The following GATM variants were observed in gnomAD, a reference collection of about 807,000 sequenced individuals.
The protein encoded by GATM is glycine amidinotransferase, mitochondrial.
GATM carries 23 observed loss-of-function variants against 54.2 expected under a neutral mutation model. That is an observed-to-expected ratio of 0.42 (90% confidence interval 0.31 to 0.60). GATM has a LOEUF of 0.60. GATM is among the 20% of genes least tolerant of loss of function. The pLI is 0.14. For synonymous variants in GATM, 168 were observed against 183.1 expected (o/e 0.92, Z 0.67); for missense variants, 401 against 544.9 (o/e 0.74, Z 2.63).
chr15:45,364,276 G>T, intron 7 of GATM: 1 of 452,708 alleles, frequency 2.2e-6, no homozygotes, highest in Non-Finnish European at 4.0e-6. Flanking sequence ...ACTTTGGGAG[G>T]CTGAGGCAGG....
chr15:45,387,041 T>C (rs1002829663), intron 3 of GATM, among the ~76,000 whole-genome samples: 2 of 152,200 alleles, frequency 1.3e-5, no homozygotes, highest in African/African-American at 4.8e-5. Context: ...TAAGACTATA[T>C]ATTGCAAAGG....
chr15:45,363,470 A>T (rs1255709125), intron 8 of GATM, among the ~76,000 whole-genome samples: 2 of 152,178 alleles, frequency 1.3e-5, no homozygotes, highest in African/African-American at 4.8e-5. Context: ...TTTGTTAACT[A>T]TGCTTATCAC....
intron 1 of GATM, chr15:45,377,316 A>AGGACCTTATCTTTC: frequency 2.2e-6 from 1 of 446,076 alleles, no homozygotes; most frequent in South Asian, 1.6e-5. Context: ...ACATTTGTAA[A>AGGACCTTATCTTTC]GGACCTTATC....
chr15:45,376,571 C>T (rs765664580), intron 2 of GATM, 30 bp downstream of exon 2: 3 of 1,602,830 alleles, frequency 1.9e-6, no homozygotes, highest in South Asian at 1.1e-5. Context: ...AGGGAGCGCA[C>T]TTTCAGACAT....
chr15:45,375,094 G>A (rs1038380699), intron 2 of GATM, among the ~76,000 whole-genome samples: 3 of 152,014 alleles, frequency 2.0e-5, no homozygotes, highest in Admixed American at 2.0e-4. Context: ...TTTTTGAGAT[G>A]GAGTCTCACT....
chr15:45,399,066 T>C (rs1292316220), intron 2 of GATM, among the ~76,000 whole-genome samples: 1 of 152,202 alleles, frequency 6.6e-6, no homozygotes, highest in African/African-American at 2.4e-5. Flanking sequence ...AAACCATTTG[T>C]CACATGTACC....
At chr15:45,398,842 C>G (rs1004276221) in intron 2 of GATM, among the ~76,000 whole-genome samples, 2 of 152,010 alleles carry the variant, frequency 1.3e-5, no homozygotes, top group Admixed American at 6.6e-5. Context: ...ACTGGTTTAA[C>G]CATTTTCTTT....
rs1056900658 is a variant in GATM at position 45,363,901 on chromosome 15, C to G, written c.1158G>C (p.Leu386=). Residue 386 remains leucine (L), a splice_region_variant and synonymous_variant, in exon 8 of 9, where the codon CTG becomes CTC. Coordinates refer to ENST00000396659, the MANE Select transcript of GATM (RefSeq NM_001482.3). ...ACATGTTTCATTTGTTGTACATACC[C>G]AGCTTTTCAAACATCTTTTGAATTG... ...EVPIQKMFEK[L]GITTIKVNIR... is the part of the protein sequence containing the mutation. 2 of 1,579,398 alleles carry G rather than the reference C, an allele frequency of 1.3e-6. No homozygotes were observed. Among genetic ancestry groups the G allele is most frequent in the Non-Finnish European group, 1.7e-6 (2 of 1,149,046 alleles).
At chr15:45,401,861 G>C (rs895334790) in intron 1 of GATM, 1 of 152,624 alleles carries the variant, frequency 6.6e-6, no homozygotes. Context: ...CCATAGGAAG[G>C]GTTGTGCCTG....
chr15:45,366,147 T>C lies in GATM; in HGVS notation c.877A>G (p.Ile293Val). ...RHLAPDYRVH[I>V]ISFKDPNPMH... ...GGATTGGGATCTTTAAAGGAGATGATATGCACTCTGTAGTCTGGAGCAAGA... is the reference window on the plus strand; with the variant it reads ...GGATTGGGATCTTTAAAGGAGATGACATGCACTCTGTAGTCTGGAGCAAGA... Residue 293 changes from isoleucine to valine, a missense_variant, in exon 6 of 9, where the codon ATC (isoleucine) becomes GTC (valine). Physicochemically the swap from Ile to Val is conservative, Grantham distance 29. Around this residue, in one of 3 missense-constraint regions of GATM, gnomAD observed 321 missense variants for 457.5 expected, o/e 0.70. Transcript: ENST00000396659. The C allele has an allele frequency of 6.2e-7, 1 of 1,614,048 alleles. No homozygotes were observed. Among genetic ancestry groups the C allele is most frequent in the Non-Finnish European group, 8.5e-7 (1 of 1,179,906 alleles).
chr15:45,363,181 A>G (rs1595481731), intron 8 of GATM, among the ~76,000 whole-genome samples: 1 of 152,142 alleles, frequency 6.6e-6, no homozygotes, highest in African/African-American at 2.4e-5. Flanking sequence ...CTGCGGCAGG[A>G]GAATCGCTTG....
chr15:45,378,511 C>A lies in GATM; in HGVS notation c.-58G>T. 7.7e-7 allele frequency: 1 copy of A among 1,298,702 alleles called. No individual in the cohort carries two copies. Among genetic ancestry groups the A allele is most frequent in the Non-Finnish European group, 9.8e-7 (1 of 1,018,402 alleles). The allele number at this position is 1,298,702 out of a possible 1,614,324, so 80.4% of individuals were successfully genotyped here. A position where few individuals can be genotyped will look rare whatever the true frequency, so the allele number is the denominator to read the frequency against. On this transcript the variant is annotated 5_prime_UTR_variant, in exon 1 of 9. Transcript: ENST00000396659. ...TTCCTGGCCTCTGGGCCGCGTCGGT[C>A]CAAGCCTTCCCGAGAGCGCGCCCGG... is the stretch of plus-strand genomic sequence containing the variant.
intron 3 of GATM, among the ~76,000 whole-genome samples, chr15:45,384,596 A>G (rs1006340579): frequency 1.3e-5 from 2 of 152,212 alleles, no homozygotes; most frequent in Admixed American, 6.5e-5. Context: ...AATACAATGT[A>G]TGTTCATCCT....
At chr15:45,374,665 C>T (rs1305220265) in intron 2 of GATM, among the ~76,000 whole-genome samples, 1 of 152,198 alleles carries the variant, frequency 6.6e-6, no homozygotes, top group Non-Finnish European at 1.5e-5. Flanking sequence ...CTTGGTCATT[C>T]CTCTTTCCTG....
In GATM at chr15:45,368,354, G is replaced by A. The variant is rs768956912; in HGVS notation, c.485-94C>T. The A allele has an allele frequency of 9.4e-7, 1 of 1,066,334 alleles. No homozygotes were observed. Among genetic ancestry groups the A allele is most frequent in the Non-Finnish European group, 1.4e-6 (1 of 706,284 alleles). 66.1% of individuals were successfully genotyped at this position (1,066,334 alleles called of 1,614,324 possible). On this transcript the variant is annotated intron_variant, in intron 3 of 8. Coordinates refer to ENST00000396659, the MANE Select transcript of GATM (RefSeq NM_001482.3). The surrounding 1 kb of genome is among the most constrained non-coding windows in gnomAD (Gnocchi z 5.1). ...GGGCCAGGCACAGTGGCTCATGCCT[G>A]TAATCCCACCACTTTGGGAGGCCAA...
chr15:45,364,192 C>T, intron 7 of GATM, 176 bp from the exon 8 acceptor site: 1 of 616,032 alleles, frequency 1.6e-6, no homozygotes. Context: ...TCAATCTGTA[C>T]TCATTATACA....
intron 3 of GATM, among the ~76,000 whole-genome samples, chr15:45,388,754 C>A (rs745350951): frequency 2.0e-5 from 3 of 152,058 alleles, no homozygotes; most frequent in Admixed American, 6.6e-5. Context: ...ATTCTCATAT[C>A]ACTGATGGTA....
chr15:45,367,840 C>G (rs1185811898), intron 4 of GATM, among the ~76,000 whole-genome samples: 1 of 152,138 alleles, frequency 6.6e-6, no homozygotes, highest in Non-Finnish European at 1.5e-5. Context: ...GGGTTTAACC[C>G]AGGACCCAGA....
rs74009633 is a variant in GATM at position 45,369,555 on chromosome 15, A to G, written c.289-34T>C. ...AGAAGCAAATAAACACAATACTTACAGGAGAAAAATACAGCTCATGATAGG... is the reference window on the plus strand; with the variant it reads ...AGAAGCAAATAAACACAATACTTACGGGAGAAAAATACAGCTCATGATAGG... On this transcript the variant is annotated intron_variant, in intron 2 of 8. Transcript: ENST00000396659. The G allele has an allele frequency of 9.9e-4, 1,576 of 1,587,972 alleles. 19 individuals are homozygous for G. In the African/African-American group the frequency reaches 0.019, roughly 19 times the overall value.
Sources: allele counts gnomAD v4.1 joint callset (sites outside exome capture counted in the v4.1 genomes callset), GRCh38; gene constraint gnomAD v4.1.1; regional missense constraint gnomAD v4.1.1; non-coding constraint Gnocchi (gnomAD v3.1); transcripts MANE v1.5; gene names NCBI Gene and HGNC (gene_info 2026-07-23, HGNC 2026-07-21).